Variants in EMCN observed in about 807,000 individuals in gnomAD.
EMCN encodes endomucin.
Under a neutral mutation model 38.4 loss-of-function variants are expected in EMCN, and 37 were observed. That is an observed-to-expected ratio of 0.96 (90% CI 0.74 to 1.27). The LOEUF is 1.27. Ranked by LOEUF, EMCN falls within the 50% of genes most tolerant of loss-of-function variation. EMCN has a pLI of 0.00. For missense variants in EMCN, 318 were observed against 302.8 expected, an observed-to-expected ratio of 1.05 and a Z score of -0.37; for synonymous variants, 95 against 100.8, an observed-to-expected ratio of 0.94 and a Z score of 0.35.
intron 5 of EMCN, among the ~76,000 whole-genome samples, chr4:100,439,973 A>G (rs1332886508): frequency 2.0e-5 from 3 of 152,030 alleles, no homozygotes; most frequent in African/African-American, 7.2e-5. Flanking sequence ...GTTTCATAGC[A>G]TTATAGTCTG....
chr4:100,487,860 T>C (rs1728980933), intron 1 of EMCN, among the ~76,000 whole-genome samples: 1 of 152,210 alleles, frequency 6.6e-6, no homozygotes, highest in Admixed American at 6.5e-5. Flanking sequence ...TACTTCTTCA[T>C]AGCAGTATAG....
chr4:100,473,373 G>GTTTTTTTTTTT (rs1256284835), intron 3 of EMCN, among the ~76,000 whole-genome samples: 741 of 65,876 alleles, frequency 0.011, 82 homozygotes, highest in Non-Finnish European at 0.013. Context: ...GTGTTTTTTT[G>GTTTTTTTTTTT]TTTTTTTTTT....
chr4:100,420,334 T>TA (rs70958360), intron 8 of EMCN, among the ~76,000 whole-genome samples: 21,083 of 151,958 alleles, frequency 0.14, 1,713 homozygotes, highest in African/African-American at 0.22. Context: ...TGGTATGTTA[T>TA]AAAAAGATAC....
chr4:100,458,481 C>T (rs1291676717), intron 4 of EMCN, among the ~76,000 whole-genome samples: 5 of 152,188 alleles, frequency 3.3e-5, no homozygotes, highest in Admixed American at 6.5e-5. Flanking sequence ...AGGTCTGAAA[C>T]ACTTCTGATC....
At chr4:100,407,411 T>C (rs1333120756) in intron 11 of EMCN, among the ~76,000 whole-genome samples, 1 of 152,188 alleles carries the variant, frequency 6.6e-6, no homozygotes, top group Non-Finnish European at 1.5e-5. Flanking sequence ...GAAAAGCAGG[T>C]CTGGTGGTAA....
At chr4:100,517,325 G>C (rs1296586159) in intron 1 of EMCN, among the ~76,000 whole-genome samples, 3 of 152,046 alleles carry the variant, frequency 2.0e-5, no homozygotes, top group Non-Finnish European at 2.9e-5. Context: ...GTAATCAAAT[G>C]AATCTCTCTC....
chr4:100,469,655 C>A lies in EMCN; in HGVS notation c.260-4116G>T, dbSNP rs62305706. Among the ~76,000 whole-genome samples, 154 of 98,584 alleles carry A rather than the reference C, an allele frequency of 1.6e-3. 3 individuals carry two copies. The highest frequency in any genetic ancestry group is 2.6e-3 in the South Asian group (8 of 3,056). 64.7% of individuals were successfully genotyped at this position (98,584 alleles called of 152,430 possible). A position where few individuals can be genotyped will look rare whatever the true frequency, so the allele number is the denominator to read the frequency against. On this transcript the variant is annotated intron_variant, in intron 3 of 11. Coordinates refer to ENST00000296420, the MANE Select transcript of EMCN (RefSeq NM_016242.4). Reference sequence around the variant, plus strand: ...TTTTAATCTTCTGCATATGGCTAGCCAATTATTCCAGCTTCATTTATTGAA... The same window carrying A: ...TTTTAATCTTCTGCATATGGCTAGCAAATTATTCCAGCTTCATTTATTGAA...
At chr4:100,434,907 A>G (rs1231940705) in intron 5 of EMCN, among the ~76,000 whole-genome samples, 2 of 152,210 alleles carry the variant, frequency 1.3e-5, no homozygotes, top group African/African-American at 4.8e-5. Flanking sequence ...TGACAAACCC[A>G]CAGCCAATAT....
chr4:100,482,173 A>G (rs1728826037), intron 1 of EMCN, among the ~76,000 whole-genome samples: 1 of 152,150 alleles, frequency 6.6e-6, no homozygotes, highest in Admixed American at 6.6e-5. Context: ...ACAATTAAAG[A>G]ATAATTAAAT....
intron 3 of EMCN, among the ~76,000 whole-genome samples, chr4:100,468,113 T>C (rs1343559520): frequency 6.6e-6 from 1 of 152,226 alleles, no homozygotes; most frequent in Non-Finnish European, 1.5e-5. Flanking sequence ...ATAATGAATT[T>C]ATCCATATTT....
intron 5 of EMCN, among the ~76,000 whole-genome samples, chr4:100,424,315 C>T (rs1285328338): frequency 6.6e-6 from 1 of 152,056 alleles, no homozygotes; most frequent in East Asian, 1.9e-4. Context: ...TTTGCCTTGC[C>T]TCTTCACTGA....
chr4:100,486,051 A>G (rs868021895), intron 1 of EMCN, among the ~76,000 whole-genome samples: 1 of 152,214 alleles, frequency 6.6e-6, no homozygotes, highest in African/African-American at 2.4e-5. Context: ...TCTGATGCTT[A>G]AGCTATAAAT....
chr4:100,472,991 T>C (rs1015402827), intron 3 of EMCN, among the ~76,000 whole-genome samples: 2 of 145,528 alleles, frequency 1.4e-5, no homozygotes, highest in Admixed American at 7.0e-5. Flanking sequence ...ATATATATTC[T>C]AGAAGTATAT....
At chr4:100,421,224 G>C in intron 8 of EMCN, 58 bp downstream of exon 8, 1 of 1,388,584 alleles carries the variant, frequency 7.2e-7, no homozygotes, top group East Asian at 2.3e-5. Context: ...TTAAAATCAA[G>C]TTTAAACTGA....
intron 10 of EMCN, among the ~76,000 whole-genome samples, chr4:100,412,142 A>G (rs1261032236): frequency 6.6e-6 from 1 of 152,196 alleles, no homozygotes; most frequent in Non-Finnish European, 1.5e-5. Flanking sequence ...TCTTCCTTCT[A>G]GAAAGCTGGG....
At chr4:100,459,914 C>T (rs746565910) in intron 4 of EMCN, among the ~76,000 whole-genome samples, 22 of 152,114 alleles carry the variant, frequency 1.4e-4, no homozygotes, top group Non-Finnish European at 1.6e-4. Flanking sequence ...CTTTGACACA[C>T]TAATTTTATT....
chr4:100,422,316 C>T (rs998986144), intron 7 of EMCN, among the ~76,000 whole-genome samples: 1 of 151,896 alleles, frequency 6.6e-6, no homozygotes, highest in Non-Finnish European at 1.5e-5. Flanking sequence ...ATGAAGATGC[C>T]GTGAATCAGC....
At chr4:100,463,766 T>C (rs1728244388) in intron 4 of EMCN, among the ~76,000 whole-genome samples, 1 of 152,178 alleles carries the variant, frequency 6.6e-6, no homozygotes, top group Non-Finnish European at 1.5e-5. Context: ...ATGTTTTGTG[T>C]ATGGCTTCTT....
rs869169290 is a variant in EMCN, at chr4:100,475,659, C to CTTTTT, written c.188-555_188-551dup. ...TTGAGGGCAGTATCCAATTCTAGTCCTTTTTTTTTTTTTTTTTTTTTTTTT... is the reference window on the plus strand; with the variant it reads ...TTGAGGGCAGTATCCAATTCTAGTCCTTTTTTTTTTTTTTTTTTTTTTTTTTTTTT... On this transcript the variant is annotated intron_variant, in intron 2 of 11. Coordinates refer to ENST00000296420, the MANE Select transcript of EMCN (RefSeq NM_016242.4). 5.1e-4 allele frequency among the ~76,000 whole-genome samples: 31 copies of CTTTTT among 60,300 alleles called. 1 individual carries two copies. Among genetic ancestry groups the CTTTTT allele is most frequent in the African/African-American group, 2.4e-3 (29 of 11,856 alleles). The allele number at this position is 60,300 out of a possible 152,430, so 39.6% of individuals were successfully genotyped here.
Sources: allele counts gnomAD v4.1 joint callset (sites outside exome capture counted in the v4.1 genomes callset), GRCh38; gene constraint gnomAD v4.1.1; transcripts MANE v1.5; gene names NCBI Gene and HGNC (gene_info 2026-07-23, HGNC 2026-07-21).